PILRA: variants seen among roughly 807,000 people sequenced by gnomAD.
PILRA encodes the protein paired immunoglobulin-like type 2 receptor alpha.
In PILRA, 37 loss-of-function variants were observed where a neutral mutation model predicts 33.1. The observed-to-expected ratio is 1.12, with a 90% CI of 0.86 to 1.47. The LOEUF (loss-of-function observed/expected upper bound fraction) is 1.47. Ranked by LOEUF, PILRA falls within the 40% of genes most tolerant of loss-of-function variation. The pLI is 0.00. For synonymous variants in PILRA, 146 were observed against 149.9 expected (o/e 0.97, Z 0.19); for missense variants, 312 against 376.2 (o/e 0.83, Z 1.41).
chr7:100,374,696 G>A, intron 2 of PILRA: 1 of 541,012 alleles, frequency 1.8e-6, no homozygotes, highest in Non-Finnish European at 3.3e-6. Context: ...GGCCTCAGCA[G>A]CTGCTGGACC....
At chr7:100,382,153 G>C (rs1791119926) in intron 2 of PILRA, among the ~76,000 whole-genome samples, 2 of 152,366 alleles carry the variant, frequency 1.3e-5, no homozygotes, top group South Asian at 4.1e-4. Context: ...AGCTCTACCT[G>C]CTGCCTGGTT....
intron 2 of PILRA, among the ~76,000 whole-genome samples, chr7:100,381,996 TCCCCACCCCCAC>T (rs1554453953): frequency 3.1e-5 from 4 of 128,526 alleles, no homozygotes; most frequent in African/African-American, 8.4e-5. Flanking sequence ...CATGCCTCAG[TCCCCACCCCCAC>T]CCCCACCCCA....
upstream of PILRA, among the ~76,000 whole-genome samples, chr7:100,372,553 C>G (rs1790843260): frequency 6.6e-6 from 1 of 152,188 alleles, no homozygotes; most frequent in African/African-American, 2.4e-5. Flanking sequence ...GTGACCACCC[C>G]CGGGCAAAGG....
At chr7:100,393,762 T>C (rs1470651976) in intron 3 of PILRA, among the ~76,000 whole-genome samples, 2 of 151,952 alleles carry the variant, frequency 1.3e-5, no homozygotes, top group Non-Finnish European at 2.9e-5. Context: ...CCAAGACGGC[T>C]GCAAGGATTC....
rs1215319938 is a variant in PILRA, at chr7:100,399,474, C to T, written c.758-107C>T. 4.1e-6 allele frequency: 6 copies of T among 1,448,364 alleles called. No individual in the cohort carries two copies. The Admixed American group carries it at 1.0e-4, about 24-fold the overall frequency. 89.7% of individuals were successfully genotyped at this position (1,448,364 alleles called of 1,614,324 possible). A position where few individuals can be genotyped will look rare whatever the true frequency, so the allele number is the denominator to read the frequency against. On this transcript the variant is annotated intron_variant, in intron 5 of 6. Coordinates refer to ENST00000198536, the MANE Select transcript of PILRA (RefSeq NM_013439.3). ...TCCTTGCCCCTTGCCCTCACGTGAC[C>T]CTGGCCCTGACCTAGCAGATAACCT...
chr7:100,380,785 C>T (rs1436617885), intron 2 of PILRA, among the ~76,000 whole-genome samples: 2 of 152,120 alleles, frequency 1.3e-5, no homozygotes, highest in Non-Finnish European at 2.9e-5. Flanking sequence ...GCCAACACAG[C>T]GAAACCCTCC....
At chr7:100,399,525 C>G in intron 5 of PILRA, 56 bp from the exon 6 acceptor site, 1 of 1,604,086 alleles carries the variant, frequency 6.2e-7, no homozygotes, top group Non-Finnish European at 8.5e-7. Flanking sequence ...CTGCCCATCT[C>G]TCTCCCCTGG....
At chr7:100,398,726 G>A (rs1167818129) in intron 4 of PILRA, among the ~76,000 whole-genome samples, 2 of 152,060 alleles carry the variant, frequency 1.3e-5, no homozygotes, top group African/African-American at 2.4e-5. Context: ...TTTATTCTCC[G>A]TGTTCCTCTC....
Position 100,390,042 on chromosome 7 carries a change from T to A in PILRA, c.609T>A (p.Ala203=). 6.2e-7 allele frequency: 1 copy of A among 1,614,010 alleles called. No homozygotes were observed. The highest frequency in any genetic ancestry group is 1.1e-5 in the South Asian group (1 of 91,076). Residue 203 remains alanine (A), a synonymous_variant, in exon 3 of 7, where the codon GCT becomes GCA. Transcript: ENST00000198536. ...AGACTGCTGTGGGGGTGGCAGTGGCTGTCACTGTGCTCGGAATCATGATTT... is the reference window on the plus strand; with the variant it reads ...AGACTGCTGTGGGGGTGGCAGTGGCAGTCACTGTGCTCGGAATCATGATTT... ...SLETAVGVAV[A]VTVLGIMILG...
intron 2 of PILRA, among the ~76,000 whole-genome samples, chr7:100,374,993 C>T (rs1408449780): frequency 6.6e-6 from 1 of 152,158 alleles, no homozygotes; most frequent in Non-Finnish European, 1.5e-5. Flanking sequence ...ACTTCCTTCT[C>T]CCCCTCTGCT....
At chr7:100,379,776 G>A (rs1563116659) in intron 2 of PILRA, among the ~76,000 whole-genome samples, 1 of 151,850 alleles carries the variant, frequency 6.6e-6, no homozygotes, top group Non-Finnish European at 1.5e-5. Flanking sequence ...TGATAGCAAA[G>A]GGAATTTTTT....
At chr7:100,399,670 G>A (rs1486093091) in intron 6 of PILRA, 58 bp downstream of exon 6, 3 of 1,612,070 alleles carry the variant, frequency 1.9e-6, no homozygotes, top group Admixed American at 1.7e-5. Flanking sequence ...AAGGTGGGGT[G>A]GAAGGGAGAA....
At chr7:100,383,934 GC>G (rs553344559) in intron 2 of PILRA, among the ~76,000 whole-genome samples, 120 of 152,284 alleles carry the variant, frequency 7.9e-4, no homozygotes, top group African/African-American at 2.6e-3. Context: ...TCCATGCCCG[GC>G]CCCAACTCAC....
intron 2 of PILRA, among the ~76,000 whole-genome samples, chr7:100,383,051 GGAGT>G (rs1413263204): frequency 1.3e-5 from 2 of 152,194 alleles, no homozygotes; most frequent in African/African-American, 4.8e-5. Context: ...GAGTAGAACT[GGAGT>G]GAGTGGGACA....
intron 2 of PILRA, among the ~76,000 whole-genome samples, chr7:100,386,842 A>C (rs980665991): frequency 6.6e-6 from 1 of 151,804 alleles, no homozygotes; most frequent in Non-Finnish European, 1.5e-5. Flanking sequence ...AAAAAAAAAA[A>C]ACGACCAAAA....
intron 2 of PILRA, among the ~76,000 whole-genome samples, chr7:100,381,721 G>C (rs890637705): frequency 6.6e-6 from 1 of 152,200 alleles, no homozygotes; most frequent in African/African-American, 2.4e-5. Flanking sequence ...TTGCAGGCAG[G>C]TGTGGAGGGA....
chr7:100,395,233 T>A (rs2130235430), intron 3 of PILRA, among the ~76,000 whole-genome samples: 1 of 152,254 alleles, frequency 6.6e-6, no homozygotes, highest in African/African-American at 2.4e-5. Context: ...GGAAACTTAG[T>A]CCCCAGTGTG....
intron 3 of PILRA, among the ~76,000 whole-genome samples, chr7:100,396,612 A>C (rs942466232): frequency 1.3e-5 from 2 of 152,216 alleles, no homozygotes; most frequent in Non-Finnish European, 2.9e-5. Flanking sequence ...AGATCACACC[A>C]CTGCACTCCA....
intron 2 of PILRA, among the ~76,000 whole-genome samples, chr7:100,381,758 G>A (rs1432212413): frequency 2.6e-5 from 4 of 152,182 alleles, no homozygotes; most frequent in Non-Finnish European, 5.9e-5. Flanking sequence ...CCGGGGCTGC[G>A]CGCGGCGCTT....
Sources: allele counts gnomAD v4.1 joint callset (sites outside exome capture counted in the v4.1 genomes callset), GRCh38; gene constraint gnomAD v4.1.1; transcripts MANE v1.5; gene names NCBI Gene and HGNC (gene_info 2026-07-23, HGNC 2026-07-21).